ABHD6: variants seen among roughly 807,000 people sequenced by gnomAD.
ABHD6 encodes the protein abhydrolase domain containing 6, acylglycerol lipase, also known as monoacylglycerol lipase ABHD6.
A neutral mutation model predicts 38.8 loss-of-function variants in ABHD6; 33 were observed. The observed-to-expected ratio is 0.85, with a 90% CI of 0.64 to 1.14. ABHD6 has a LOEUF of 1.14. ABHD6 is among the 50% of genes most tolerant of loss of function. The pLI, the probability that ABHD6 is intolerant of heterozygous loss-of-function variation, is 0.00. For synonymous variants in ABHD6, 147 were observed against 161.6 expected, an observed-to-expected ratio of 0.91 and a Z score of 0.69; for missense variants, 380 against 422.6, an observed-to-expected ratio of 0.90 and a Z score of 0.88.
rs370457888 is a variant in ABHD6, at chr3:58,290,473, A to AC, written c.838-3109dup. Among the ~76,000 whole-genome samples the AC allele has an allele frequency of 7.3e-5, 4 of 54,800 alleles. 1 individual carries two copies. Among genetic ancestry groups the AC allele is most frequent in the East Asian group, 1.3e-3 (2 of 1,544 alleles). The allele number at this position is 54,800 out of a possible 152,430, so 36.0% of individuals were successfully genotyped here. Reference sequence around the variant, plus strand: ...GGGCGGCTGGCCGGGCGGGGGGCTGACCCCCCCACCTCCCTCCCGGACGGG... The same window carrying AC: ...GGGCGGCTGGCCGGGCGGGGGGCTGACCCCCCCCACCTCCCTCCCGGACGGG... On this transcript the variant is annotated intron_variant, in intron 9 of 9. Coordinates refer to ENST00000478253, the MANE Select transcript of ABHD6 (RefSeq NM_001320126.2).
Position 58,293,823 on chromosome 3 carries a change from A to G in ABHD6, c.*58A>G, listed in dbSNP as rs1236626732. 2.5e-6 allele frequency: 4 copies of G among 1,570,134 alleles called. No homozygotes were observed. The highest frequency in any genetic ancestry group is 2.6e-6 in the Non-Finnish European group (3 of 1,154,318). ...CATCTGCTCCCATCCCCCAAGTCTG[A>G]CGCAGCCACCACTCTCAGGGATCCT... On this transcript the variant is annotated 3_prime_UTR_variant, in exon 10 of 10. Transcript: ENST00000478253. The surrounding 1 kb of genome is among the most constrained non-coding windows in gnomAD (Gnocchi z 4.4).
chr3:58,271,799 CTG>C (rs1273991088), intron 6 of ABHD6, among the ~76,000 whole-genome samples: 1 of 79,310 alleles, frequency 1.3e-5, no homozygotes, highest in Non-Finnish European at 2.1e-5. Flanking sequence ...TTGAGACAGT[CTG>C]TTGCTCAGAC....
intron 1 of ABHD6, among the ~76,000 whole-genome samples, chr3:58,240,976 C>T (rs2097422404): frequency 1.3e-5 from 2 of 152,040 alleles, no homozygotes; most frequent in African/African-American, 2.4e-5. Flanking sequence ...GTGATCTGCC[C>T]GCCTCTACCT....
intron 2 of ABHD6, among the ~76,000 whole-genome samples, chr3:58,250,990 C>G (rs1237270887): frequency 6.6e-6 from 1 of 152,142 alleles, no homozygotes; most frequent in African/African-American, 2.4e-5. Flanking sequence ...GCATTGGCAT[C>G]TAGGAGGTTA....
intron 9 of ABHD6, among the ~76,000 whole-genome samples, chr3:58,288,521 C>T (rs539462139): frequency 9.2e-5 from 14 of 152,304 alleles, no homozygotes; most frequent in South Asian, 4.1e-4. Flanking sequence ...CTGCCAGCAC[C>T]GTGCCTGGTA....
intron 1 of ABHD6, among the ~76,000 whole-genome samples, chr3:58,245,934 T>C (rs2097426069): frequency 6.6e-6 from 1 of 152,222 alleles, no homozygotes; most frequent in African/African-American, 2.4e-5. Context: ...TTTTGGGTGC[T>C]GAGGTTCTAT....
At chr3:58,270,804 T>A in intron 5 of ABHD6, 128 bp from the exon 6 acceptor site, 1 of 1,063,676 alleles carries the variant, frequency 9.4e-7, no homozygotes, top group Non-Finnish European at 1.3e-6. Context: ...TCCAGTAGAG[T>A]TTCAGACTCT....
intron 7 of ABHD6, among the ~76,000 whole-genome samples, chr3:58,280,564 A>G (rs2097452338): frequency 6.6e-6 from 1 of 152,132 alleles, no homozygotes; most frequent in South Asian, 2.1e-4. Flanking sequence ...GAAGTTTGTT[A>G]TTACTGACCT....
At chr3:58,242,676 G>C (rs1308367518) in intron 1 of ABHD6, among the ~76,000 whole-genome samples, 1 of 152,214 alleles carries the variant, frequency 6.6e-6, no homozygotes, top group Non-Finnish European at 1.5e-5. Flanking sequence ...ACTTGTTTTT[G>C]AGGAGCTTGC....
chr3:58,252,239 T>TTG (rs1441249574), intron 2 of ABHD6, among the ~76,000 whole-genome samples: 4 of 142,822 alleles, frequency 2.8e-5, no homozygotes, highest in African/African-American at 8.1e-5. Context: ...GTTTTTTTTT[T>TTG]TTTTTTTTTT....
intron 1 of ABHD6, among the ~76,000 whole-genome samples, chr3:58,240,918 C>T (rs959577948): frequency 3.3e-5 from 5 of 151,944 alleles, no homozygotes; most frequent in African/African-American, 7.2e-5. Flanking sequence ...TTAGTAGAGA[C>T]GGGGTTTCTC....
chr3:58,248,796 T>C (rs1385477477), intron 1 of ABHD6, among the ~76,000 whole-genome samples: 2 of 152,276 alleles, frequency 1.3e-5, no homozygotes, highest in African/African-American at 4.8e-5. Flanking sequence ...AGTTTGCTGA[T>C]GAGAATGCAA....
At chr3:58,279,765 G>T (rs982375687) in intron 7 of ABHD6, among the ~76,000 whole-genome samples, 1 of 152,172 alleles carries the variant, frequency 6.6e-6, no homozygotes, top group Admixed American at 6.5e-5. Context: ...TCCTTCAGGA[G>T]CTCTTGTAAG....
intron 7 of ABHD6, among the ~76,000 whole-genome samples, chr3:58,280,100 G>A (rs1338300813): frequency 6.6e-6 from 1 of 152,066 alleles, no homozygotes; most frequent in Non-Finnish European, 1.5e-5. Flanking sequence ...TATCTTTATG[G>A]TGTTCTGTGT....
intron 6 of ABHD6, among the ~76,000 whole-genome samples, 181 bp from the exon 7 acceptor site, chr3:58,274,477 G>A (rs555127617): frequency 6.6e-6 from 1 of 152,118 alleles, no homozygotes; most frequent in Non-Finnish European, 1.5e-5. Context: ...GGATTTTTTT[G>A]TGTGTTTCTC....
At chr3:58,254,752 G>A (rs2097432079) in intron 2 of ABHD6, among the ~76,000 whole-genome samples, 1 of 151,684 alleles carries the variant, frequency 6.6e-6, no homozygotes, top group African/African-American at 2.4e-5. Context: ...GGGGTTTTCT[G>A]TGTTGGAGAG....
intron 9 of ABHD6, among the ~76,000 whole-genome samples, chr3:58,290,401 T>A (rs1308649076): frequency 1.7e-5 from 2 of 115,870 alleles, no homozygotes; most frequent in East Asian, 3.2e-4. Context: ...GGCTCCTCAC[T>A]TCCCAGTAGG....
chr3:58,272,140 A>T (rs969526517), intron 6 of ABHD6, among the ~76,000 whole-genome samples: 1 of 152,138 alleles, frequency 6.6e-6, no homozygotes, highest in African/African-American at 2.4e-5. Flanking sequence ...TTGGGGTATC[A>T]TTTACACATA....
chr3:58,256,276 C>CACA lies in ABHD6; in HGVS notation c.-25-285_-25-284insCAA, dbSNP rs1016352807. Among the ~76,000 whole-genome samples, 5 of 152,148 alleles carry CACA rather than the reference C, an allele frequency of 3.3e-5. No homozygotes were observed. The highest frequency in any genetic ancestry group is 1.2e-4 in the African/African-American group (5 of 41,436). ...ATACTCAAGAATTGTGTCACTGATA[C>CACA]ATTGACGTTGTCTAATACCCAGCCC... On this transcript the variant is annotated intron_variant, in intron 2 of 9. Coordinates refer to ENST00000478253, the MANE Select transcript of ABHD6 (RefSeq NM_001320126.2). The surrounding 1 kb of genome is among the most constrained non-coding windows in gnomAD (Gnocchi z 4.3).
Sources: allele counts gnomAD v4.1 joint callset (sites outside exome capture counted in the v4.1 genomes callset), GRCh38; gene constraint gnomAD v4.1.1; non-coding constraint Gnocchi (gnomAD v3.1); transcripts MANE v1.5; gene names NCBI Gene and HGNC (gene_info 2026-07-23, HGNC 2026-07-21).